CDC37L1: variants seen among roughly 807,000 people sequenced by gnomAD.
CDC37L1 encodes hsp90 co-chaperone Cdc37-like 1.
Under a neutral mutation model 45.9 loss-of-function variants are expected in CDC37L1, and 32 were observed. That is an observed-to-expected ratio of 0.70 (90% CI 0.53 to 0.94). The LOEUF (loss-of-function observed/expected upper bound fraction) is 0.94, where lower values mean the gene tolerates loss of function less well. Ranked by LOEUF, CDC37L1 falls within the 40% of genes least tolerant of loss-of-function variation. The pLI is 0.00. For missense variants in CDC37L1, 434 were observed against 405.7 expected (o/e 1.07, Z -0.60); for synonymous variants, 150 against 133.0 (o/e 1.13, Z -0.88).
At chr9:4,699,515 T>C (rs1253533392) in intron 5 of CDC37L1, among the ~76,000 whole-genome samples, 1 of 152,164 alleles carries the variant, frequency 6.6e-6, no homozygotes, top group Non-Finnish European at 1.5e-5. Context: ...GAGTGATGTA[T>C]CTGTTTAGAT....
chr9:4,681,946 A>C (rs1176667741), intron 1 of CDC37L1, among the ~76,000 whole-genome samples: 1 of 152,162 alleles, frequency 6.6e-6, no homozygotes, highest in Non-Finnish European at 1.5e-5. Flanking sequence ...TTAGAATGTG[A>C]CCTAATATTT....
At chr9:4,685,355 G>C in intron 2 of CDC37L1, 197 bp downstream of exon 2, 1 of 497,338 alleles carries the variant, frequency 2.0e-6, no homozygotes. Context: ...ACTCCAGGCA[G>C]TTAAGTGACC....
chr9:4,684,320 G>A (rs1841226129), intron 1 of CDC37L1, among the ~76,000 whole-genome samples: 1 of 152,020 alleles, frequency 6.6e-6, no homozygotes, highest in South Asian at 2.1e-4. Context: ...TTTTGATTAG[G>A]AATAAATTAA....
rs964744581 is a variant in CDC37L1, at chr9:4,708,242, A to G, written c.*2130A>G. ...AATAAAGAGTATATTAAGCAAAGGG[A>G]TAATTTATATTTCAGGTTGGACAAT... is the stretch of plus-strand genomic sequence containing the variant. On this transcript the variant is annotated 3_prime_UTR_variant, in exon 7 of 7. Coordinates refer to ENST00000381854, the MANE Select transcript of CDC37L1 (RefSeq NM_017913.4). 4 of 152,216 alleles carry G rather than the reference A, an allele frequency of 2.6e-5. No individual in the cohort carries two copies. Among genetic ancestry groups the G allele is most frequent in the Non-Finnish European group, 5.9e-5 (4 of 68,020 alleles). The allele number at this position is 152,216 out of a possible 1,614,324, so 9.4% of individuals were successfully genotyped here.
At chr9:4,694,335 C>T (rs1367473342) in intron 3 of CDC37L1, among the ~76,000 whole-genome samples, 1 of 152,122 alleles carries the variant, frequency 6.6e-6, no homozygotes, top group East Asian at 1.9e-4. Flanking sequence ...CTGCCTTGGC[C>T]TCCCAAAATG....
intron 6 of CDC37L1, among the ~76,000 whole-genome samples, chr9:4,705,669 A>T (rs1230654160): frequency 1.3e-5 from 2 of 152,190 alleles, no homozygotes; most frequent in African/African-American, 4.8e-5. Context: ...CTAACTTCAA[A>T]CCATATTTAA....
At chr9:4,694,825 G>A (rs569835818) in intron 3 of CDC37L1, among the ~76,000 whole-genome samples, 16 of 152,022 alleles carry the variant, frequency 1.1e-4, no homozygotes, top group Non-Finnish European at 2.1e-4. Context: ...AGCTGAGATC[G>A]TGTTGCTGTA....
chr9:4,683,762 G>C (rs1188946433), intron 1 of CDC37L1, among the ~76,000 whole-genome samples: 1 of 152,198 alleles, frequency 6.6e-6, no homozygotes, highest in African/African-American at 2.4e-5. Context: ...GGCTTGAATA[G>C]TGATGCAGAT....
At chr9:4,696,889 C>G (rs2295968) in intron 3 of CDC37L1, among the ~76,000 whole-genome samples, 14,992 of 152,122 alleles carry the variant, frequency 0.099, 1,266 homozygotes, top group East Asian at 0.44. Context: ...GGAGCTATTT[C>G]CAGTCTACTG....
Position 4,701,949 on chromosome 9 carries a change from G to T in CDC37L1, c.833G>T (p.Ser278Ile). 1 of 1,592,358 alleles carries T rather than the reference G, an allele frequency of 6.3e-7. No homozygotes were observed. The highest frequency in any genetic ancestry group is 8.5e-7 in the Non-Finnish European group (1 of 1,171,034). The stretch of plus-strand genomic sequence containing the variant: ...GTAAGACTTTATTCTCAATCACAAA[G>T]TTTTCAACCTATGACAGTTCAGAAT... ...SRVRLYSQSQ[S>I]FQPMTVQNHV... The change falls in exon 6 of 7, where the codon AGT becomes ATT. Residue 278 changes from serine to isoleucine, a missense_variant. Physicochemically the swap from Ser to Ile is moderately radical, Grantham distance 142 (BLOSUM62 -2). Coordinates refer to ENST00000381854, the MANE Select transcript of CDC37L1 (RefSeq NM_017913.4).
intron 3 of CDC37L1, among the ~76,000 whole-genome samples, chr9:4,690,649 G>T (rs915058294): frequency 1.3e-5 from 2 of 152,168 alleles, no homozygotes; most frequent in Non-Finnish European, 2.9e-5. Flanking sequence ...TTGCTGTTAC[G>T]TGTTGTGAAC....
intron 5 of CDC37L1, among the ~76,000 whole-genome samples, chr9:4,700,740 A>G (rs1176930849): frequency 6.6e-6 from 1 of 152,194 alleles, no homozygotes; most frequent in Non-Finnish European, 1.5e-5. Flanking sequence ...AACTCATTAA[A>G]TTCATATAAC....
chr9:4,682,174 T>C (rs1841200875), intron 1 of CDC37L1, among the ~76,000 whole-genome samples: 1 of 149,462 alleles, frequency 6.7e-6, no homozygotes, highest in Non-Finnish European at 1.5e-5. Context: ...TTTTTTTTTT[T>C]TTTTTTGAGG....
intron 1 of CDC37L1, among the ~76,000 whole-genome samples, chr9:4,681,173 G>C (rs10974729): frequency 0.13 from 20,143 of 152,100 alleles, 1,770 homozygotes; most frequent in East Asian, 0.37. Flanking sequence ...GAAGGCATAT[G>C]AAGAGAAAAA....
In CDC37L1 at chr9:4,688,563, A is replaced by G. The variant is rs771448240; in HGVS notation, c.465A>G (p.Ser155=). 5.9e-6 allele frequency: 9 copies of G among 1,527,528 alleles called. No homozygotes were observed. The highest frequency in any genetic ancestry group is 7.9e-6 in the Non-Finnish European group (9 of 1,134,894). The allele number at this position is 1,527,528 out of a possible 1,614,324, so 94.6% of individuals were successfully genotyped here. A position where few individuals can be genotyped will look rare whatever the true frequency, so the allele number is the denominator to read the frequency against. The change falls in exon 3 of 7, where the codon TCA becomes TCG. Residue 155 remains serine, a synonymous_variant. Transcript: ENST00000381854. The part of the protein sequence containing the change: ...KRKDTEDEDK[S]ESFMQKYEQK... The stretch of plus-strand genomic sequence containing the variant: ...AAGACACAGAAGATGAAGATAAATC[A>G]GAATCATTTATGCAAAAATATGAGC...
chr9:4,702,383 T>C (rs1053021187), intron 6 of CDC37L1, among the ~76,000 whole-genome samples: 4 of 152,228 alleles, frequency 2.6e-5, no homozygotes, highest in African/African-American at 7.2e-5. Flanking sequence ...CATTTTGAAT[T>C]TTTTAGGATG....
rs1841170548 is a variant in CDC37L1 at position 4,679,842 on chromosome 9, C to T, written c.75C>T (p.Asp25=). 2.5e-6 allele frequency: 4 copies of T among 1,613,994 alleles called. No homozygotes were observed. The South Asian group carries it at 3.3e-5, about 13-fold the overall frequency. The part of the protein sequence containing the change: ...RAEGEAEEES[D]FDVFPSSPRC... ...AGGGTGAGGCTGAGGAAGAGAGTGA[C>T]TTCGACGTGTTCCCCAGTTCTCCCC... Residue 25 remains aspartate (D), a synonymous_variant, in exon 1 of 7, where the codon GAC becomes GAT. Coordinates refer to ENST00000381854, the MANE Select transcript of CDC37L1 (RefSeq NM_017913.4).
chr9:4,684,944 G>A lies in CDC37L1; in HGVS notation c.200G>A (p.Cys67Tyr), dbSNP rs200818741. ...GAGTTTGTGAAGAGCTCTGTGGCGTGCAAATGGAATCTTGCTGAAGCTCAA... is the reference window on the plus strand; with the variant it reads ...GAGTTTGTGAAGAGCTCTGTGGCGTACAAATGGAATCTTGCTGAAGCTCAA... ...QKEFVKSSVA[C>Y]KWNLAEAQQK... Residue 67 changes from cysteine to tyrosine, a missense_variant, in exon 2 of 7, where the codon TGC becomes TAC. Physicochemically the swap from Cys to Tyr is radical, Grantham distance 194. Coordinates refer to ENST00000381854, the MANE Select transcript of CDC37L1 (RefSeq NM_017913.4). 6.2e-7 allele frequency: 1 copy of A among 1,613,604 alleles called. No individual in the cohort carries two copies. The highest frequency in any genetic ancestry group is 1.7e-5 in the Admixed American group (1 of 59,990).
At chr9:4,704,398 G>A (rs1841425022) in intron 6 of CDC37L1, among the ~76,000 whole-genome samples, 1 of 152,114 alleles carries the variant, frequency 6.6e-6, no homozygotes, top group Admixed American at 6.5e-5. Context: ...TGAAAATATG[G>A]GACAGTCAAT....
Sources: allele counts gnomAD v4.1 joint callset (sites outside exome capture counted in the v4.1 genomes callset), GRCh38; gene constraint gnomAD v4.1.1; transcripts MANE v1.5; gene names NCBI Gene and HGNC (gene_info 2026-07-23, HGNC 2026-07-21).